The following PIAS2 variants were observed in gnomAD, a reference collection of about 807,000 sequenced individuals.
The protein encoded by PIAS2 is protein inhibitor of activated STAT 2.
Under a neutral mutation model 69.7 loss-of-function variants are expected in PIAS2, and 19 were observed. The observed-to-expected ratio is 0.27, with a 90% CI of 0.19 to 0.40. PIAS2 has a LOEUF of 0.40. PIAS2 is among the 10% of genes least tolerant of loss of function. The pLI, the probability that PIAS2 is intolerant of heterozygous loss-of-function variation, is 1.00. For synonymous variants in PIAS2, 261 were observed against 263.2 expected, an observed-to-expected ratio of 0.99 and a Z score of 0.08; for missense variants, 624 against 757.0, an observed-to-expected ratio of 0.82 and a Z score of 2.06.
Position 46,817,356 on chromosome 18 carries a change from G to A in PIAS2, c.1649-2007C>T, listed in dbSNP as rs114853608. 2,783 of 967,520 alleles carry A rather than the reference G, an allele frequency of 2.9e-3. 56 individuals are homozygous for A. The African/African-American group carries it at 0.045, about 16-fold the overall frequency. The allele number at this position is 967,520 out of a possible 1,614,324, so 59.9% of individuals were successfully genotyped here. On this transcript the variant is annotated intron_variant, in intron 12 of 13. Transcript: ENST00000585916. ...AATTTCAGAATTTCAATTAAAATAC[G>A]CAAGCTTGATATAAAACAGTTTGAA...
At chr18:46,894,658 CT>C (rs1422835132) in intron 1 of PIAS2, among the ~76,000 whole-genome samples, 6 of 152,040 alleles carry the variant, frequency 3.9e-5, no homozygotes, top group Non-Finnish European at 8.8e-5. Flanking sequence ...AACCTTGTTC[CT>C]TTATCAAATG....
chr18:46,915,120 ACT>A (rs1325574052), intron 1 of PIAS2: 1 of 151,996 alleles, frequency 6.6e-6, no homozygotes, highest in African/African-American at 2.4e-5. Flanking sequence ...AAAAGCCCAG[ACT>A]CTAAAAGCTA....
At chr18:46,890,548 G>T in intron 2 of PIAS2, 32 bp downstream of exon 2, 1 of 1,310,122 alleles carries the variant, frequency 7.6e-7, no homozygotes, top group Non-Finnish European at 1.1e-6. Flanking sequence ...TTACTATCTT[G>T]TTCAGAAGAA....
rs753511847 is a variant in PIAS2, at chr18:46,890,932, G to A, written c.147C>T (p.Cys49=). 1.9e-6 allele frequency: 3 copies of A among 1,614,144 alleles called. No homozygotes were observed. The highest frequency in any genetic ancestry group is 1.7e-5 in the Admixed American group (1 of 60,010). Residue 49 remains cysteine, a synonymous_variant, in exon 2 of 14, where the codon TGC becomes TGT. Coordinates refer to ENST00000585916, the MANE Select transcript of PIAS2 (RefSeq NM_004671.5). ...GGATTTTAATCTGAACCGCAGGGCT[G>A]CAGCCGCTCTTCAATAAATGCAGCG... ...MRALHLLKSG[C]SPAVQIKIRE... is the part of the protein sequence containing the mutation.
At chr18:46,889,310 T>A (rs2053697334) in intron 2 of PIAS2, among the ~76,000 whole-genome samples, 1 of 151,504 alleles carries the variant, frequency 6.6e-6, no homozygotes, top group Non-Finnish European at 1.5e-5. Context: ...AACCACAGAG[T>A]GGGAGAAAAT....
intron 1 of PIAS2, among the ~76,000 whole-genome samples, chr18:46,902,745 G>T (rs1021002643): frequency 4.6e-5 from 7 of 152,090 alleles, no homozygotes; most frequent in African/African-American, 1.7e-4. Flanking sequence ...AAAGGCAAAA[G>T]AAATATTAAT....
intron 9 of PIAS2, 73 bp from the exon 10 acceptor site, chr18:46,829,940 C>T: frequency 7.5e-7 from 1 of 1,337,280 alleles, no homozygotes. Flanking sequence ...AAGTAATACA[C>T]ATTACCTTGA....
chr18:46,836,581 G>A (rs1350572414), intron 8 of PIAS2, 64 bp from the exon 9 acceptor site: 5 of 1,253,740 alleles, frequency 4.0e-6, no homozygotes, highest in Non-Finnish European at 4.5e-6. Flanking sequence ...AGGGAACATG[G>A]TCAGTTGTAA....
At chr18:46,919,007 ATGTGTGTG>A (rs112427539), upstream of PIAS2, among the ~76,000 whole-genome samples, 322 of 143,306 alleles carry the variant, frequency 2.2e-3, 2 homozygotes, top group Non-Finnish European at 3.7e-3. Context: ...ATATATATAT[ATGTGTGTG>A]TGTGTGTGTG....
chr18:46,896,801 A>G (rs1376503733), intron 1 of PIAS2, among the ~76,000 whole-genome samples: 1 of 152,208 alleles, frequency 6.6e-6, no homozygotes, highest in African/African-American at 2.4e-5. Context: ...GTAGACATAA[A>G]AGTCCTCAAT....
chr18:46,881,380 T>C (rs1281568358), intron 2 of PIAS2, among the ~76,000 whole-genome samples: 1 of 152,228 alleles, frequency 6.6e-6, no homozygotes, highest in East Asian at 1.9e-4. Context: ...CTTTGGTGTA[T>C]GTAATGGGAT....
chr18:46,809,410 G>C lies in PIAS2; in HGVS notation c.*3023C>G, dbSNP rs745994125. 2.0e-5 allele frequency: 3 copies of C among 152,160 alleles called. No homozygotes were observed. The highest frequency in any genetic ancestry group is 2.9e-5 in the Non-Finnish European group (2 of 68,042). 9.4% of individuals were successfully genotyped at this position (152,160 alleles called of 1,614,324 possible). On this transcript the variant is annotated 3_prime_UTR_variant, in exon 14 of 14. Coordinates refer to ENST00000585916, the MANE Select transcript of PIAS2 (RefSeq NM_004671.5). The stretch of plus-strand genomic sequence containing the variant: ...TTCAGCACCAATTACACTGTGGGGG[G>C]TTACCAGAACAAGAAAAGGCCTTCA...
intron 1 of PIAS2, chr18:46,915,243 T>C (rs952253258): frequency 6.6e-5 from 10 of 152,076 alleles, no homozygotes; most frequent in African/African-American, 2.2e-4. Context: ...ATTAAATAAG[T>C]ATAGAAAAAA....
chr18:46,904,185 T>C (rs1402547101), intron 1 of PIAS2: 1 of 152,042 alleles, frequency 6.6e-6, no homozygotes. Flanking sequence ...GATACTGTAC[T>C]ATGGTCTTTA....
chr18:46,840,775 AGAT>A (rs2045262620), intron 8 of PIAS2, among the ~76,000 whole-genome samples: 3 of 152,210 alleles, frequency 2.0e-5, no homozygotes, highest in Admixed American at 6.5e-5. Flanking sequence ...TAATTTAATC[AGAT>A]GATGATGCTT....
chr18:46,907,219 G>A (rs1161876530), intron 1 of PIAS2, among the ~76,000 whole-genome samples: 1 of 152,124 alleles, frequency 6.6e-6, no homozygotes, highest in South Asian at 2.1e-4. Context: ...GAACTCCTAC[G>A]AATCAGTATG....
Position 46,907,179 on chromosome 18 carries a change from C to T in PIAS2, c.24+10143G>A, listed in dbSNP as rs1331463713. On this transcript the variant is annotated intron_variant, in intron 1 of 13. Coordinates refer to ENST00000585916, the MANE Select transcript of PIAS2 (RefSeq NM_004671.5). The stretch of plus-strand genomic sequence containing the variant: ...AGAGAAGGTATGTGCAAAACATAAC[C>T]AGCAAGAGATGGTTTCCAAGATGTA... Among the ~76,000 whole-genome samples, 3 of 152,070 alleles carry T rather than the reference C, an allele frequency of 2.0e-5. No homozygotes were observed. In the East Asian group the frequency reaches 5.8e-4, roughly 29 times the overall value.
At chr18:46,909,172 G>A (rs2056977811) in intron 1 of PIAS2, among the ~76,000 whole-genome samples, 1 of 152,288 alleles carries the variant, frequency 6.6e-6, no homozygotes, top group Admixed American at 6.5e-5. Flanking sequence ...TGAGAAAAGG[G>A]AAGAATGGCT....
At chr18:46,817,786 G>A (rs966733528) in intron 12 of PIAS2, 6 of 950,774 alleles carry the variant, frequency 6.3e-6, no homozygotes, top group Non-Finnish European at 7.5e-6. Flanking sequence ...GTTTGATATG[G>A]TATTTTAGAT....
Sources: gnomAD v4.1 joint callset for allele counts (sites outside exome capture counted in the v4.1 genomes callset) on GRCh38, gnomAD v4.1.1 for gene constraint, MANE v1.5 for transcripts, NCBI Gene and HGNC (gene_info 2026-07-23, HGNC 2026-07-21) for gene names.